TAGAP: variants seen among roughly 807,000 people sequenced by gnomAD.
TAGAP encodes T cell activation RhoGTPase activating protein.
Under a neutral mutation model 36.0 loss-of-function variants are expected in TAGAP, and 16 were observed. The ratio of observed to expected loss-of-function variants is 0.44; its 90% CI spans 0.30 to 0.68. TAGAP has a LOEUF of 0.68. Among genes scored for constraint, TAGAP ranks in the 30% least tolerant of loss-of-function variants. The pLI is 0.09. For synonymous variants in TAGAP, 372 were observed against 377.4 expected (o/e 0.99, Z 0.17); for missense variants, 794 against 921.5 (o/e 0.86, Z 1.79).
chr6:159,038,261 A>T, intron 8 of TAGAP, 33 bp from the exon 9 acceptor site: 1 of 997,092 alleles, frequency 1.0e-6, no homozygotes, highest in Non-Finnish European at 1.5e-6. Context: ...TGTCAGCTTG[A>T]AGACTTTTTT....
Position 159,044,031 on chromosome 6 carries a change from A to C in TAGAP, c.28T>G (p.Ser10Ala). 2 of 1,613,792 alleles carry C rather than the reference A, an allele frequency of 1.2e-6. No homozygotes were observed. Among genetic ancestry groups the C allele is most frequent in the Non-Finnish European group, 1.7e-6 (2 of 1,179,900 alleles). Residue 10 changes from serine (S) to alanine (A), a missense_variant and splice_region_variant, in exon 3 of 10, where the codon TCA becomes GCA. By Grantham distance (99) the Ser-to-Ala change is moderately conservative. Transcript: ENST00000367066. MKLRSSHNA[S>A]KTLNANNMET... Reference sequence around the variant, plus strand: ...ATATTATTGGCGTTTAGTGTTTTTGACTAAAAGAGAAAAAATAAAATTAGG... The same window carrying C: ...ATATTATTGGCGTTTAGTGTTTTTGCCTAAAAGAGAAAAAATAAAATTAGG...
chr6:159,036,599 G>T lies in TAGAP; in HGVS notation c.1424C>A (p.Ala475Asp). Residue 475 changes from alanine to aspartate, a missense_variant, in exon 10 of 10, where the codon GCT becomes GAT. Coordinates refer to ENST00000367066, the MANE Select transcript of TAGAP (RefSeq NM_054114.5). The surrounding 1 kb of genome is among the most constrained non-coding windows in gnomAD (Gnocchi z 4.9). ...ATTTCTTTTGGGACTGGAAGGAGAA[G>T]CCACGGGCGAGCTGTCAGAGGACGC... is the stretch of plus-strand genomic sequence containing the variant. ...LDASSDSSPV[A>D]SPSSPKRNFF... The T allele has an allele frequency of 6.2e-7, 1 of 1,614,170 alleles. No individual in the cohort carries two copies. The highest frequency in any genetic ancestry group is 1.6e-4 in the Middle Eastern group (1 of 6,062).
Position 159,036,174 on chromosome 6 carries a change from T to C in TAGAP, c.1849A>G (p.Ser617Gly). ...LVASESQTVG[S>G]MTVGSMRARM... ...GCCCTCATGCTCCCCACCGTCATGC[T>C]CCCCACGGTCTGGCTCTCGGAGGCC... Residue 617 changes from serine to glycine, a missense_variant, in exon 10 of 10, where the codon AGC (serine) becomes GGC (glycine). By Grantham distance (56) the Ser-to-Gly change is moderately conservative. Coordinates refer to ENST00000367066, the MANE Select transcript of TAGAP (RefSeq NM_054114.5). This position sits in a 1 kb window ranked among gnomAD's most constrained non-coding sequence, Gnocchi z 4.9. The C allele has an allele frequency of 6.2e-7, 1 of 1,611,676 alleles. No homozygotes were observed. The highest frequency in any genetic ancestry group is 8.5e-7 in the Non-Finnish European group (1 of 1,179,010).
Position 159,036,026 on chromosome 6 carries a change from C to T in TAGAP, c.1997G>A (p.Arg666Gln), listed in dbSNP as rs1217339653. The T allele has an allele frequency of 7.4e-6, 12 of 1,611,638 alleles. No individual in the cohort carries two copies. Among genetic ancestry groups the T allele is most frequent in the East Asian group, 4.5e-5 (2 of 44,776 alleles). ...ATGGACAGTTCTGCTCTGTTTCCAT[C>T]GCTCAGGCAGGGGAGAGAGTCCGTG... ...PGHGLSPLPE[R>Q]WKQSRTVHAS... Residue 666 changes from arginine (R) to glutamine (Q), a missense_variant, in exon 10 of 10, where the codon CGA (arginine) becomes CAA (glutamine). Coordinates refer to ENST00000367066, the MANE Select transcript of TAGAP (RefSeq NM_054114.5). The surrounding 1 kb of genome is among the most constrained non-coding windows in gnomAD (Gnocchi z 4.9).
Position 159,037,117 on chromosome 6 carries a change from C to T in TAGAP, c.906G>A (p.Ser302=), listed in dbSNP as rs145511341. The T allele has an allele frequency of 6.6e-5, 106 of 1,608,052 alleles. No homozygotes were observed. The East Asian group carries it at 8.3e-4, about 13-fold the overall frequency. The change falls in exon 10 of 10, where the codon TCG becomes TCA. Residue 302 remains serine, a synonymous_variant. Transcript: ENST00000367066. This position sits in a 1 kb window ranked among gnomAD's most constrained non-coding sequence, Gnocchi z 5.1. ...SLEHTDSSDV[S]TLQNDSAYDS... is the part of the protein sequence containing the mutation. Reference sequence around the variant, plus strand: ...CGTAGGCTGAGTCATTCTGCAGGGTCGACACATCTGGGGGAAGTCAAGCAG... The same window carrying T: ...CGTAGGCTGAGTCATTCTGCAGGGTTGACACATCTGGGGGAAGTCAAGCAG...
At chr6:159,042,573 C>G (rs75290071) in intron 4 of TAGAP, 11,153 of 237,502 alleles carry the variant, frequency 0.047, 329 homozygotes, top group Non-Finnish European at 0.064. Flanking sequence ...TCATAAACAA[C>G]CATCTTAACC....
chr6:159,043,475 C>G (rs534429946), intron 4 of TAGAP, 114 bp downstream of exon 4: 40 of 947,232 alleles, frequency 4.2e-5, no homozygotes, highest in Middle Eastern at 2.2e-4. Flanking sequence ...CGGTCTTTAA[C>G]AGAACAACTT....
rs201909483 is a variant in TAGAP at position 159,044,140 on chromosome 6, G to A, written c.7C>T (p.Leu3=). Reference sequence around the variant, plus strand: ...CTCACAGCATTGTGGCTGCTTCTCAGCTTCATCAGTATTGCGGCTGACTGT... The same window carrying A: ...CTCACAGCATTGTGGCTGCTTCTCAACTTCATCAGTATTGCGGCTGACTGT... MK[L]RSSHNASKTL... The change falls in exon 2 of 10, where the codon CTG becomes TTG. Residue 3 remains leucine (L), a synonymous_variant. Transcript: ENST00000367066. 44 of 1,613,818 alleles carry A rather than the reference G, an allele frequency of 2.7e-5. No individual in the cohort carries two copies. In the East Asian group the frequency reaches 9.8e-4, roughly 36 times the overall value.
Position 159,041,684 on chromosome 6 carries a change from A to G in TAGAP, c.316-169T>C, listed in dbSNP as rs188364370. 3.6e-5 allele frequency: 26 copies of G among 721,856 alleles called. No homozygotes were observed. In the East Asian group the frequency reaches 7.1e-4, roughly 20 times the overall value. The allele number at this position is 721,856 out of a possible 1,614,324, so 44.7% of individuals were successfully genotyped here. On this transcript the variant is annotated intron_variant, in intron 5 of 9. Transcript: ENST00000367066. The surrounding 1 kb of genome is among the most constrained non-coding windows in gnomAD (Gnocchi z 4.1). ...AGAGGAGGCAAATTGTGAAAGCTCT[A>G]ATTTTGCACTTTCTAAAATCACTTT... is the stretch of plus-strand genomic sequence containing the variant.
rs41267763 is a variant in TAGAP, at chr6:159,041,241, T to G, written c.477+113A>C. 9.0e-6 allele frequency: 12 copies of G among 1,339,642 alleles called. No homozygotes were observed. The highest frequency in any genetic ancestry group is 1.0e-5 in the Non-Finnish European group (10 of 978,768). 83.0% of individuals were successfully genotyped at this position (1,339,642 alleles called of 1,614,324 possible). On this transcript the variant is annotated intron_variant, in intron 6 of 9. Transcript: ENST00000367066. The surrounding 1 kb of genome is among the most constrained non-coding windows in gnomAD (Gnocchi z 4.1). ...AAGGGCTTAATGAAAAAAATTAAAC[T>G]CCAAGATCAGTGTACCTTGCTGTGT...
At chr6:159,042,425 C>T in intron 4 of TAGAP, 181 bp from the exon 5 acceptor site, 1 of 1,355,478 alleles carries the variant, frequency 7.4e-7, no homozygotes, top group Non-Finnish European at 9.6e-7. Context: ...AAAAACCAAC[C>T]GATAAACAAC....
intron 7 of TAGAP, 40 bp from the exon 8 acceptor site, chr6:159,039,349 A>G (rs1779667069): frequency 1.3e-6 from 2 of 1,593,658 alleles, no homozygotes; most frequent in Non-Finnish European, 8.6e-7. Flanking sequence ...CAAAAAGGCT[A>G]ATGGTCTTCA....
At position 159,041,697 on chromosome 6, in the gene TAGAP, C is replaced by A. The variant is rs1779758260; in HGVS notation, c.316-182G>T. The A allele has an allele frequency of 1.5e-6, 1 of 645,420 alleles. No homozygotes were observed. Among genetic ancestry groups the A allele is most frequent in the Non-Finnish European group, 2.5e-6 (1 of 394,678 alleles). 40.0% of individuals were successfully genotyped at this position (645,420 alleles called of 1,614,324 possible). ...TGTGAAAGCTCTAATTTTGCACTTT[C>A]TAAAATCACTTTGGAGCTCTCTCCT... is the stretch of plus-strand genomic sequence containing the variant. On this transcript the variant is annotated intron_variant, in intron 5 of 9. Coordinates refer to ENST00000367066, the MANE Select transcript of TAGAP (RefSeq NM_054114.5). The surrounding 1 kb of genome is among the most constrained non-coding windows in gnomAD (Gnocchi z 4.1).
chr6:159,036,677 G>A lies in TAGAP; in HGVS notation c.1346C>T (p.Ser449Leu), dbSNP rs1488756981. ...GAGAACCAGTGCCCGCGGGAGCACC[G>A]AACCCGGGGCCAAGTTCTTGATCTT... ...DLKIKNLAPG[S>L]VLPRALVLKA... is the part of the protein sequence containing the mutation. The change falls in exon 10 of 10, where the codon TCG becomes TTG. Residue 449 changes from serine to leucine, a missense_variant. Physicochemically the swap from Ser to Leu is moderately radical, Grantham distance 145. Transcript: ENST00000367066. The surrounding 1 kb of genome is among the most constrained non-coding windows in gnomAD (Gnocchi z 4.9). 3 of 1,613,960 alleles carry A rather than the reference G, an allele frequency of 1.9e-6. No individual in the cohort carries two copies. The highest frequency in any genetic ancestry group is 3.3e-5 in the Admixed American group (2 of 60,024).
At position 159,036,173 on chromosome 6, in the gene TAGAP, C is replaced by A; in HGVS notation, c.1850G>T (p.Ser617Ile). Residue 617 changes from serine (S) to isoleucine (I), a missense_variant, in exon 10 of 10, where the codon AGC (serine) becomes ATC (isoleucine). By Grantham distance (142) the Ser-to-Ile change is moderately radical. Transcript: ENST00000367066. The surrounding 1 kb of genome is among the most constrained non-coding windows in gnomAD (Gnocchi z 4.9). ...CGCCCTCATGCTCCCCACCGTCATG[C>A]TCCCCACGGTCTGGCTCTCGGAGGC... ...LVASESQTVGSMTVGSMRARM... is the reference protein window; with the variant it reads ...LVASESQTVGIMTVGSMRARM... 2 of 1,612,556 alleles carry A rather than the reference C, an allele frequency of 1.2e-6. No homozygotes were observed. Among genetic ancestry groups the A allele is most frequent in the Non-Finnish European group, 1.7e-6 (2 of 1,179,400 alleles).
At position 159,039,224 on chromosome 6, in the gene TAGAP, C is replaced by T. The variant is rs780482642; in HGVS notation, c.673G>A (p.Val225Met). 23 of 1,614,180 alleles carry T rather than the reference C, an allele frequency of 1.4e-5. 1 individual carries two copies. In the South Asian group the frequency reaches 2.5e-4, roughly 18 times the overall value. ...VLHLISKNSE[V>M]NRMDSSNLAI... ...AGATTGCTGGAGTCCATCCTGTTCA[C>T]CTCAGAGTTCTTGCTGATGAGGTGC... The change falls in exon 8 of 10, where the codon GTG becomes ATG. Residue 225 changes from valine to methionine, a missense_variant. Coordinates refer to ENST00000367066, the MANE Select transcript of TAGAP (RefSeq NM_054114.5).
In TAGAP at chr6:159,043,638, A is replaced by G. The variant is rs375593539; in HGVS notation, c.99T>C (p.His33=). 1.8e-4 allele frequency: 296 copies of G among 1,613,888 alleles called. No individual in the cohort carries two copies. The highest frequency in any genetic ancestry group is 4.9e-4 in the Middle Eastern group (3 of 6,082). ...ECQSEGDIKE[H]PLLASCESED... Reference sequence around the variant, plus strand: ...CACTCTCACATGATGCCAACAGGGGATGTTCCTTGATATCACCCTAAAAAC... The same window carrying G: ...CACTCTCACATGATGCCAACAGGGGGTGTTCCTTGATATCACCCTAAAAAC... Residue 33 remains histidine, a synonymous_variant, in exon 4 of 10, where the codon CAT becomes CAC. Coordinates refer to ENST00000367066, the MANE Select transcript of TAGAP (RefSeq NM_054114.5).
At chr6:159,044,660 G>A (rs1779867902) in intron 1 of TAGAP, among the ~76,000 whole-genome samples, 1 of 151,470 alleles carries the variant, frequency 6.6e-6, no homozygotes, top group African/African-American at 2.4e-5. Context: ...CATATCCCTA[G>A]GATGCTAAAA....
chr6:159,036,622 C>T lies in TAGAP; in HGVS notation c.1401G>A (p.Ala467=), dbSNP rs767271779. 6 of 1,613,958 alleles carry T rather than the reference C, an allele frequency of 3.7e-6. No homozygotes were observed. Among genetic ancestry groups the T allele is most frequent in the African/African-American group, 1.3e-5 (1 of 74,904 alleles). The change falls in exon 10 of 10, where the codon GCG becomes GCA. Residue 467 remains alanine (A), a synonymous_variant. Coordinates refer to ENST00000367066, the MANE Select transcript of TAGAP (RefSeq NM_054114.5). The surrounding 1 kb of genome is among the most constrained non-coding windows in gnomAD (Gnocchi z 4.9). ...LKAFSSSSLD[A]SSDSSPVASP... is the part of the protein sequence containing the mutation. ...AAGCCACGGGCGAGCTGTCAGAGGA[C>T]GCGTCCAGCGAGCTGCTGGAGAAGG...
Sources: allele counts gnomAD v4.1 joint callset (sites outside exome capture counted in the v4.1 genomes callset), GRCh38; gene constraint gnomAD v4.1.1; non-coding constraint Gnocchi (gnomAD v3.1); transcripts MANE v1.5; gene names NCBI Gene and HGNC (gene_info 2026-07-23, HGNC 2026-07-21).